The following NUP214 variants were observed in gnomAD, a reference collection of about 807,000 sequenced individuals.
NUP214 encodes the protein nuclear pore complex protein Nup214.
A neutral mutation model predicts 196.2 loss-of-function variants in NUP214; 79 were observed. That is an observed-to-expected ratio of 0.40 (90% CI 0.34 to 0.49). The LOEUF is 0.49. NUP214 is among the 20% of genes least tolerant of loss of function. The probability of loss-of-function intolerance (pLI) is 0.58; values close to 1 mark genes in which losing one functional copy is unlikely to be tolerated. For synonymous variants in NUP214, 1,020 were observed against 990.5 expected (o/e 1.03, Z -0.56); for missense variants, 2,468 against 2,539.0 (o/e 0.97, Z 0.60).
At position 131,140,425 on chromosome 9, in the gene NUP214, C is replaced by CT. The variant is rs1219627925; in HGVS notation, c.1133-123dup. 4.0e-6 allele frequency: 3 copies of CT among 744,278 alleles called. No individual in the cohort carries two copies. In the East Asian group the frequency reaches 8.0e-5, roughly 20 times the overall value. The allele number at this position is 744,278 out of a possible 1,614,324, so 46.1% of individuals were successfully genotyped here. Reference sequence around the variant, plus strand: ...TGTTCAGATATAAAATCAGAACAAACTAACTTGAGCTGCTATTCAGATGAG... The same window carrying CT: ...TGTTCAGATATAAAATCAGAACAAACTTAACTTGAGCTGCTATTCAGATGAG... On this transcript the variant is annotated intron_variant, in intron 10 of 35. Coordinates refer to ENST00000359428, the MANE Select transcript of NUP214 (RefSeq NM_005085.4).
At chr9:131,143,153 C>G (rs1483010939) in intron 11 of NUP214, among the ~76,000 whole-genome samples, 1 of 152,050 alleles carries the variant, frequency 6.6e-6, no homozygotes, top group Non-Finnish European at 1.5e-5. Context: ...ACTACAGGCA[C>G]AAGCCATCAC....
chr9:131,132,965 C>G, intron 6 of NUP214, 141 bp from the exon 7 acceptor site: 1 of 701,996 alleles, frequency 1.4e-6, no homozygotes, highest in Non-Finnish European at 2.5e-6. Context: ...GGTCATTGTA[C>G]CTGTGCATTA....
intron 28 of NUP214, 93 bp from the exon 29 acceptor site, chr9:131,197,123 G>A: frequency 6.5e-7 from 1 of 1,535,070 alleles, no homozygotes; most frequent in Non-Finnish European, 8.8e-7. Flanking sequence ...AGAGGGAGGA[G>A]AGAAACTTTG....
At position 131,222,778 on chromosome 9, in the gene NUP214, A is replaced by G; in HGVS notation, c.5750A>G (p.Asn1917Ser). ...CTCCCTCACATCTTCATCTCTTCAG[A>G]TACCTCTAACCTATTTGGAAACAGT... ...SGGFGSTATSNTSNLFGNSGA... is the reference protein window; with the variant it reads ...SGGFGSTATSSTSNLFGNSGA... Residue 1917 changes from asparagine to serine, a missense_variant and splice_region_variant, in exon 32 of 36, where the codon AAT (asparagine) becomes AGT (serine). Asn to Ser is a conservative substitution (Grantham distance 46). Around this residue, in one of 5 missense-constraint regions of NUP214, gnomAD observed 262 missense variants for 296.5 expected, o/e 0.88. Coordinates refer to ENST00000359428, the MANE Select transcript of NUP214 (RefSeq NM_005085.4). 1.2e-6 allele frequency: 2 copies of G among 1,612,356 alleles called. No individual in the cohort carries two copies. The highest frequency in any genetic ancestry group is 1.7e-6 in the Non-Finnish European group (2 of 1,178,984).
rs376221489 is a variant in NUP214, at chr9:131,151,296, AC to A, written c.2278-437del. 4.2e-4 allele frequency among the ~76,000 whole-genome samples: 64 copies of A among 152,290 alleles called. No homozygotes were observed. The East Asian group carries it at 0.011, about 26-fold the overall frequency. ...ACTTTGCTGTGTCATACATACTGTT[AC>A]CCTATTTTGCAAGTCAGGAAACTGA... On this transcript the variant is annotated intron_variant, in intron 16 of 35. Transcript: ENST00000359428.
chr9:131,163,311 T>A (rs4740417), intron 19 of NUP214, 138 bp downstream of exon 19: 500,202 of 755,160 alleles, frequency 0.66, 167,818 homozygotes, highest in Admixed American at 0.75. Flanking sequence ...GGTCCCACCC[T>A]CTCTGATCCT....
chr9:131,139,341 A>G lies in NUP214; in HGVS notation c.1066A>G (p.Lys356Glu). The G allele has an allele frequency of 6.2e-7, 1 of 1,603,146 alleles. No individual in the cohort carries two copies. Among genetic ancestry groups the G allele is most frequent in the Non-Finnish European group, 8.5e-7 (1 of 1,176,032 alleles). ...SSRAELPVTDKSDDSLPMGVV... is the reference protein window; with the variant it reads ...SSRAELPVTDESDDSLPMGVV... ...TCGAGCTGAATTGCCTGTGACAGAC[A>G]AGAGTGATGACTCCTTGCCCATGGG... Residue 356 changes from lysine to glutamate, a missense_variant, in exon 10 of 36, where the codon AAG becomes GAG. Physicochemically the swap from Lys to Glu is moderately conservative, Grantham distance 56. Coordinates refer to ENST00000359428, the MANE Select transcript of NUP214 (RefSeq NM_005085.4).
At chr9:131,213,791 G>GTTGTTGTTGTTGTT (rs549300685) in intron 30 of NUP214, among the ~76,000 whole-genome samples, 2 of 17,656 alleles carry the variant, frequency 1.1e-4, no homozygotes, top group Non-Finnish European at 1.4e-4. Context: ...TTGTTGTTAA[G>GTTGTTGTTGTTGTT]AAATTTAAAG....
At chr9:131,130,137 G>GTTTTTGTTTTTTT in intron 4 of NUP214, among the ~76,000 whole-genome samples, 1 of 76,928 alleles carries the variant, frequency 1.3e-5, no homozygotes, top group East Asian at 4.6e-4. Flanking sequence ...TTCTGGTTTT[G>GTTTTTGTTTTTTT]TTTTTTTTTT....
At chr9:131,151,516 A>G (rs915308332) in intron 16 of NUP214, among the ~76,000 whole-genome samples, 16 of 152,222 alleles carry the variant, frequency 1.1e-4, no homozygotes, top group Admixed American at 9.2e-4. Flanking sequence ...TGCATTTTCA[A>G]TCATTAGAAT....
At chr9:131,175,251 G>T (rs1023882256) in intron 22 of NUP214, among the ~76,000 whole-genome samples, 2 of 152,234 alleles carry the variant, frequency 1.3e-5, no homozygotes, top group African/African-American at 2.4e-5. Flanking sequence ...ATCAGGAAAT[G>T]ATGATGTATC....
chr9:131,162,418 C>T (rs1832668061), intron 18 of NUP214, among the ~76,000 whole-genome samples: 1 of 152,166 alleles, frequency 6.6e-6, no homozygotes, highest in Non-Finnish European at 1.5e-5. Context: ...TACTGAAAAG[C>T]GGAAGCAAAT....
At chr9:131,166,420 C>G (rs1832788050) in intron 21 of NUP214, among the ~76,000 whole-genome samples, 1 of 152,098 alleles carries the variant, frequency 6.6e-6, no homozygotes, top group Admixed American at 6.6e-5. Context: ...TAGTTTGTTC[C>G]AATCAGTGGT....
intron 29 of NUP214, 113 bp downstream of exon 29, chr9:131,199,128 C>G (rs1439467935): frequency 7.6e-7 from 1 of 1,322,198 alleles, no homozygotes; most frequent in East Asian, 2.4e-5. Flanking sequence ...CAAAAATAAT[C>G]TGTAGGTTAA....
At chr9:131,127,462 A>G in intron 1 of NUP214, 62 bp from the exon 2 acceptor site, 1 of 1,358,798 alleles carries the variant, frequency 7.4e-7, no homozygotes, top group Non-Finnish European at 1.0e-6. Flanking sequence ...GGGTCTACTG[A>G]ATATAACATG....
At chr9:131,182,951 T>C (rs1303090305) in intron 24 of NUP214, among the ~76,000 whole-genome samples, 2 of 152,242 alleles carry the variant, frequency 1.3e-5, no homozygotes, top group Non-Finnish European at 2.9e-5. Context: ...AGTGATACTA[T>C]ATTACTAAAG....
intron 32 of NUP214, among the ~76,000 whole-genome samples, chr9:131,227,679 A>T (rs369838055): frequency 5.9e-5 from 9 of 152,298 alleles, no homozygotes; most frequent in East Asian, 1.9e-4. Flanking sequence ...TTGGGTTTCT[A>T]TGAAGCTGGA....
chr9:131,152,119 C>CT (rs1832287872), intron 17 of NUP214, among the ~76,000 whole-genome samples: 2 of 151,906 alleles, frequency 1.3e-5, no homozygotes, highest in African/African-American at 2.4e-5. Context: ...TTTTAAAATA[C>CT]TTTTTTTCTT....
chr9:131,190,237 TG>T (rs1275391448), intron 26 of NUP214: 1 of 468,384 alleles, frequency 2.1e-6, no homozygotes, highest in Admixed American at 4.2e-5. Context: ...ATAGTAGAAC[TG>T]TCAAAGACTT....
Sources: gnomAD v4.1 joint callset for allele counts (sites outside exome capture counted in the v4.1 genomes callset) on GRCh38, gnomAD v4.1.1 for gene constraint, gnomAD v4.1.1 regional missense constraint, MANE v1.5 for transcripts, NCBI Gene and HGNC (gene_info 2026-07-23, HGNC 2026-07-21) for gene names.